The following VKORC1L1 variants were observed in gnomAD, a reference collection of about 807,000 sequenced individuals.
VKORC1L1 encodes the protein vitamin K epoxide reductase complex subunit 1L1.
Under a neutral mutation model 18.9 loss-of-function variants are expected in VKORC1L1, and 2 were observed. The observed-to-expected ratio is 0.11, with a 90% CI of 0.04 to 0.33. VKORC1L1 has a LOEUF of 0.33. Among genes scored for constraint, VKORC1L1 ranks in the 10% least tolerant of loss-of-function variants. The pLI is 1.00. For missense variants in VKORC1L1, 123 were observed against 224.1 expected (o/e 0.55, Z 2.88); for synonymous variants, 96 against 100.0 (o/e 0.96, Z 0.24).
chr7:65,953,006 A>G (rs1357143200), intron 2 of VKORC1L1, among the ~76,000 whole-genome samples: 1 of 151,760 alleles, frequency 6.6e-6, no homozygotes, highest in Admixed American at 6.6e-5. Flanking sequence ...CATGTTGGCC[A>G]GGCTGGTCTC....
chr7:65,912,829 TTTA>T (rs1361357478), intron 1 of VKORC1L1, among the ~76,000 whole-genome samples: 1 of 152,220 alleles, frequency 6.6e-6, no homozygotes, highest in African/African-American at 2.4e-5. Context: ...ATGCCACATT[TTTA>T]TTAATAGATT....
At chr7:65,875,441 G>A (rs959042098) in intron 1 of VKORC1L1, among the ~76,000 whole-genome samples, 17 of 151,342 alleles carry the variant, frequency 1.1e-4, no homozygotes, top group Admixed American at 2.0e-4. Context: ...TTTCTGAGAC[G>A]GAGTCTTGCT....
At chr7:65,903,601 A>C (rs117445779) in intron 1 of VKORC1L1, among the ~76,000 whole-genome samples, 1 of 152,160 alleles carries the variant, frequency 6.6e-6, no homozygotes, top group Non-Finnish European at 1.5e-5. Context: ...GCGAAAGCCT[A>C]TCTCTACAAA....
chr7:65,913,437 G>A (rs942797450), intron 1 of VKORC1L1, among the ~76,000 whole-genome samples: 2 of 151,810 alleles, frequency 1.3e-5, no homozygotes, highest in Non-Finnish European at 2.9e-5. Flanking sequence ...CCATTAGAAG[G>A]GAAAAAAGAG....
intron 1 of VKORC1L1, among the ~76,000 whole-genome samples, chr7:65,947,936 G>A (rs186053792): frequency 3.9e-5 from 6 of 152,194 alleles, no homozygotes; most frequent in East Asian, 1.9e-4. Context: ...TGATCTGCTC[G>A]CCTCGGCCTC....
intron 1 of VKORC1L1, among the ~76,000 whole-genome samples, chr7:65,898,497 A>G (rs1167233598): frequency 2.0e-5 from 3 of 152,142 alleles, no homozygotes; most frequent in African/African-American, 4.8e-5. Context: ...GTAGTATGCC[A>G]CCGTTTGTGT....
chr7:65,926,845 C>T (rs750262798), intron 1 of VKORC1L1, among the ~76,000 whole-genome samples: 28 of 152,166 alleles, frequency 1.8e-4, no homozygotes, highest in Middle Eastern at 3.4e-3. Context: ...AGTGAAGTAA[C>T]TCAGGAAGGG....
At chr7:65,934,070 T>C (rs1789901992) in intron 1 of VKORC1L1, among the ~76,000 whole-genome samples, 1 of 152,196 alleles carries the variant, frequency 6.6e-6, no homozygotes, top group Admixed American at 6.5e-5. Context: ...AAAAAATCTT[T>C]TGATGCATCT....
Position 65,900,765 on chromosome 7 carries a change from A to G in VKORC1L1, c.194+27200A>G, listed in dbSNP as rs868480077. ...GGTTGCCGTGAGCCAAGATTGCGCC[A>G]TTGAACTCCTGCCTGGGTGACAGAG... is the stretch of plus-strand genomic sequence containing the variant. On this transcript the variant is annotated intron_variant, in intron 1 of 2. Coordinates refer to ENST00000360768, the MANE Select transcript of VKORC1L1 (RefSeq NM_173517.6). 9.2e-5 allele frequency among the ~76,000 whole-genome samples: 14 copies of G among 152,364 alleles called. No individual in the cohort carries two copies. In the South Asian group the frequency reaches 2.9e-3, roughly 32 times the overall value.
chr7:65,888,573 TG>T lies in VKORC1L1; in HGVS notation c.194+15009del, dbSNP rs1405855327. ...GACTGCTGATCTGGCCTTGGACACC[TG>T]CCTTGGCCTCTTCTACCGAAGCTGC... is the stretch of plus-strand genomic sequence containing the variant. On this transcript the variant is annotated intron_variant, in intron 1 of 2. Coordinates refer to ENST00000360768, the MANE Select transcript of VKORC1L1 (RefSeq NM_173517.6). 2.0e-5 allele frequency among the ~76,000 whole-genome samples: 3 copies of T among 152,304 alleles called. No individual in the cohort carries two copies. The East Asian group carries it at 5.8e-4, about 29-fold the overall frequency.
chr7:65,877,791 T>C (rs929375757), intron 1 of VKORC1L1, among the ~76,000 whole-genome samples: 11 of 152,186 alleles, frequency 7.2e-5, no homozygotes, highest in African/African-American at 2.4e-4. Context: ...AAAAATAGTC[T>C]GGTTGTCCTA....
At chr7:65,919,829 G>A (rs1478838384) in intron 1 of VKORC1L1, among the ~76,000 whole-genome samples, 3 of 152,088 alleles carry the variant, frequency 2.0e-5, no homozygotes, top group Admixed American at 6.5e-5. Flanking sequence ...AAGTAGAGGC[G>A]GGCAGATCAC....
chr7:65,875,855 A>G (rs1265793327), intron 1 of VKORC1L1, among the ~76,000 whole-genome samples: 2 of 152,208 alleles, frequency 1.3e-5, no homozygotes, highest in African/African-American at 4.8e-5. Context: ...GAAAGTTAAC[A>G]GACAAAGATT....
chr7:65,935,674 A>G (rs1039028993), intron 1 of VKORC1L1, among the ~76,000 whole-genome samples: 2 of 151,590 alleles, frequency 1.3e-5, no homozygotes, highest in Non-Finnish European at 2.9e-5. Context: ...ATAATGTGTC[A>G]TTTTTCTCTG....
In VKORC1L1 at chr7:65,954,566, T is replaced by C; in HGVS notation, c.*266T>C. 1.8e-6 allele frequency: 1 copy of C among 566,110 alleles called. No homozygotes were observed. The highest frequency in any genetic ancestry group is 2.8e-6 in the Non-Finnish European group (1 of 352,228). 35.1% of individuals were successfully genotyped at this position (566,110 alleles called of 1,614,324 possible). On this transcript the variant is annotated 3_prime_UTR_variant, in exon 3 of 3. Transcript: ENST00000360768. ...TTACTTTGAAGTGTTTCTGAAATGATAAAATGTAGCCCTAGCCCCCTGCCC... is the reference window on the plus strand; with the variant it reads ...TTACTTTGAAGTGTTTCTGAAATGACAAAATGTAGCCCTAGCCCCCTGCCC...
Position 65,873,473 on chromosome 7 carries a change from C to T in VKORC1L1, c.102C>T (p.Tyr34=). ...GAATCCTGCTCTCCATCTACGCCTA[C>T]CACGTGGAGCGGGAGAAGGAGCGGG... is the stretch of plus-strand genomic sequence containing the variant. ...AAGILLSIYA[Y]HVEREKERDP... Residue 34 remains tyrosine, a synonymous_variant, in exon 1 of 3, where the codon TAC becomes TAT. Coordinates refer to ENST00000360768, the MANE Select transcript of VKORC1L1 (RefSeq NM_173517.6). The T allele has an allele frequency of 6.3e-7, 1 of 1,596,750 alleles. No individual in the cohort carries two copies. Among genetic ancestry groups the T allele is most frequent in the Non-Finnish European group, 8.5e-7 (1 of 1,172,754 alleles).
chr7:65,912,518 T>G (rs1789517943), intron 1 of VKORC1L1, among the ~76,000 whole-genome samples: 1 of 152,218 alleles, frequency 6.6e-6, no homozygotes. Flanking sequence ...ATGAAGCATC[T>G]GCATGTTGAA....
rs556069246 is a variant in VKORC1L1 at position 65,876,600 on chromosome 7, G to T, written c.194+3035G>T. ...GCTGCAAACCTGCACCAGCCTGCCAGCTAACATTCAGTTAGCAGTCCCTGC... is the reference window on the plus strand; with the variant it reads ...GCTGCAAACCTGCACCAGCCTGCCATCTAACATTCAGTTAGCAGTCCCTGC... On this transcript the variant is annotated intron_variant, in intron 1 of 2. Coordinates refer to ENST00000360768, the MANE Select transcript of VKORC1L1 (RefSeq NM_173517.6). Among the ~76,000 whole-genome samples, 176 of 152,044 alleles carry T rather than the reference G, an allele frequency of 1.2e-3. 1 individual carries two copies. The highest frequency in any genetic ancestry group is 2.7e-3 in the African/African-American group (112 of 41,468).
In VKORC1L1 at chr7:65,954,249, A is replaced by C. The variant is rs1790257413; in HGVS notation, c.480A>C (p.Leu160=). 6.2e-7 allele frequency: 1 copy of C among 1,614,148 alleles called. No individual in the cohort carries two copies. The highest frequency in any genetic ancestry group is 1.1e-5 in the South Asian group (1 of 91,078). ...FLLLIINYKR[L]VYLNEAWKRQ... is the part of the protein sequence containing the mutation. ...TTCTCATTATCAACTACAAACGACT[A>C]GTTTACTTGAACGAGGCCTGGAAGC... The change falls in exon 3 of 3, where the codon CTA becomes CTC. Residue 160 remains leucine, a synonymous_variant. Coordinates refer to ENST00000360768, the MANE Select transcript of VKORC1L1 (RefSeq NM_173517.6).
Sources: allele counts gnomAD v4.1 joint callset (sites outside exome capture counted in the v4.1 genomes callset), GRCh38; gene constraint gnomAD v4.1.1; transcripts MANE v1.5; gene names NCBI Gene and HGNC (gene_info 2026-07-23, HGNC 2026-07-21).